MZT1: variants seen among roughly 807,000 people sequenced by gnomAD.
MZT1 encodes the protein mitotic-spindle organizing protein 1.
Under a neutral mutation model 8.5 loss-of-function variants are expected in MZT1, and 8 were observed. The ratio of observed to expected loss-of-function variants is 0.94; its 90% CI spans 0.55 to 1.70. MZT1 has a LOEUF of 1.70. Among genes scored for constraint, MZT1 ranks in the 40% most tolerant of loss-of-function variants. MZT1 has a pLI of 0.00. For synonymous variants in MZT1, 38 were observed against 42.0 expected (o/e 0.90, Z 0.37); for missense variants, 93 against 108.6 (o/e 0.86, Z 0.64).
At chr13:72,727,240 G>C (rs1169147393) in intron 1 of MZT1, among the ~76,000 whole-genome samples, 1 of 152,222 alleles carries the variant, frequency 6.6e-6, no homozygotes, top group Non-Finnish European at 1.5e-5. Flanking sequence ...GACCTGGGAT[G>C]CGGGATAGAG....
At chr13:72,727,284 CG>C (rs2032681480) in intron 1 of MZT1, among the ~76,000 whole-genome samples, 1 of 152,170 alleles carries the variant, frequency 6.6e-6, no homozygotes, top group African/African-American at 2.4e-5. Context: ...GGACGCGGTG[CG>C]CAACCGGCTG....
intron 1 of MZT1, among the ~76,000 whole-genome samples, chr13:72,726,290 G>A (rs1256166739): frequency 6.6e-6 from 1 of 152,082 alleles, no homozygotes; most frequent in Non-Finnish European, 1.5e-5. Flanking sequence ...AATTAGCCGG[G>A]TGTTCTGGCG....
chr13:72,726,242 C>T (rs2032654776), intron 1 of MZT1, among the ~76,000 whole-genome samples: 1 of 152,086 alleles, frequency 6.6e-6, no homozygotes, highest in Non-Finnish European at 1.5e-5. Context: ...CCAACCTGGC[C>T]AACATGGGGA....
At chr13:72,716,874 G>A (rs9318116) in intron 2 of MZT1, among the ~76,000 whole-genome samples, 134,217 of 152,142 alleles carry the variant, frequency 0.88, 61,244 homozygotes, top group Non-Finnish European at 0.99. Context: ...TCTCTGAGGC[G>A]CTCTTGGAGT....
In MZT1 at chr13:72,727,546, A is replaced by T; in HGVS notation, c.57T>A (p.Asn19Lys). 6.2e-7 allele frequency: 1 copy of T among 1,612,804 alleles called. No homozygotes were observed. Among genetic ancestry groups the T allele is most frequent in the Middle Eastern group, 1.7e-4 (1 of 6,054 alleles). The change falls in exon 1 of 3, where the codon AAT becomes AAA. Residue 19 changes from asparagine (N) to lysine (K), a missense_variant. Asn to Lys is a moderately conservative substitution (Grantham distance 94). Coordinates refer to ENST00000377818, the MANE Select transcript of MZT1 (RefSeq NM_001071775.3). The part of the protein sequence containing the change: ...AAAAAAAANL[N>K]AVRETMDVLL... ...CACCGTCCATGGTCTCCCGCACCGC[A>T]TTCAGATTCGCCGCCGCGGCCGCCG... is the stretch of plus-strand genomic sequence containing the variant.
intron 1 of MZT1, among the ~76,000 whole-genome samples, chr13:72,720,828 C>T (rs753530808): frequency 3.9e-5 from 6 of 152,042 alleles, no homozygotes; most frequent in Non-Finnish European, 7.4e-5. Flanking sequence ...GTAAAGGTTG[C>T]GGTGAGCCGA....
At chr13:72,720,028 G>A (rs1023844559) in intron 1 of MZT1, among the ~76,000 whole-genome samples, 2 of 152,108 alleles carry the variant, frequency 1.3e-5, no homozygotes, top group Non-Finnish European at 2.9e-5. Flanking sequence ...TATTCCCCAT[G>A]AAAAGATTAT....
At chr13:72,725,906 C>CAT (rs1003420575) in intron 1 of MZT1, among the ~76,000 whole-genome samples, 3 of 151,990 alleles carry the variant, frequency 2.0e-5, no homozygotes, top group African/African-American at 4.8e-5. Context: ...TATACACACA[C>CAT]ATATATATAT....
In MZT1 at chr13:72,709,999, T is replaced by C. The variant is rs184381537; in HGVS notation, c.*323A>G. ...CTATACTTCAACCTGGCACAGCAGA[T>C]GTGCACATCTGATAGACAGACTGCT... On this transcript the variant is annotated 3_prime_UTR_variant, in exon 3 of 3. Transcript: ENST00000377818. The C allele has an allele frequency of 1.7e-5, 5 of 294,318 alleles. No individual in the cohort carries two copies. The highest frequency in any genetic ancestry group is 4.9e-5 in the Admixed American group (1 of 20,322). The allele number at this position is 294,318 out of a possible 1,614,324, so 18.2% of individuals were successfully genotyped here.
At chr13:72,711,050 T>A (rs2032484359) in intron 2 of MZT1, among the ~76,000 whole-genome samples, 1 of 152,196 alleles carries the variant, frequency 6.6e-6, no homozygotes, top group Non-Finnish European at 1.5e-5. Context: ...ATCGCAGATT[T>A]ACACTAAAGT....
Position 72,709,332 on chromosome 13 carries a change from T to C in MZT1, c.*990A>G, listed in dbSNP as rs2032464565. ...ACATCACCCATCTAATAAGATTGTT[T>C]AGTTTTGTTTAATGACTGGAAATCC... On this transcript the variant is annotated 3_prime_UTR_variant, in exon 3 of 3. Coordinates refer to ENST00000377818, the MANE Select transcript of MZT1 (RefSeq NM_001071775.3). 6.6e-6 allele frequency: 1 copy of C among 151,932 alleles called. No individual in the cohort carries two copies. Among genetic ancestry groups the C allele is most frequent in the African/African-American group, 2.4e-5 (1 of 41,416 alleles). 9.4% of individuals were successfully genotyped at this position (151,932 alleles called of 1,614,324 possible).
At chr13:72,711,283 A>G (rs2032486698) in intron 2 of MZT1, among the ~76,000 whole-genome samples, 1 of 152,204 alleles carries the variant, frequency 6.6e-6, no homozygotes, top group South Asian at 2.1e-4. Context: ...AAGAATCACT[A>G]ATCAAATGCA....
intron 2 of MZT1, among the ~76,000 whole-genome samples, chr13:72,717,303 A>G (rs1001930377): frequency 6.6e-6 from 1 of 151,766 alleles, no homozygotes; most frequent in African/African-American, 2.4e-5. Flanking sequence ...TCCTTCCAAC[A>G]ATAGAACACA....
chr13:72,711,612 T>G (rs1404864357), intron 2 of MZT1, among the ~76,000 whole-genome samples: 3 of 152,000 alleles, frequency 2.0e-5, no homozygotes, highest in Non-Finnish European at 4.4e-5. Context: ...TACCATACAG[T>G]TAAATTCTAA....
At chr13:72,718,870 G>T in intron 2 of MZT1, 82 bp downstream of exon 2, 1 of 1,328,248 alleles carries the variant, frequency 7.5e-7, no homozygotes, top group Non-Finnish European at 1.0e-6. Flanking sequence ...GTTTAACCAG[G>T]ATGTTTCCCA....
intron 2 of MZT1, 91 bp from the exon 3 acceptor site, chr13:72,710,436 A>T (rs2032477632): frequency 5.2e-6 from 6 of 1,155,468 alleles, no homozygotes; most frequent in Admixed American, 1.8e-5. Flanking sequence ...TGTCATTAAC[A>T]AACAACTATT....
chr13:72,715,648 G>A (rs555397823), intron 2 of MZT1, among the ~76,000 whole-genome samples: 2 of 152,238 alleles, frequency 1.3e-5, no homozygotes, highest in South Asian at 2.1e-4. Flanking sequence ...CCTCATGAAT[G>A]GTTTAGCACC....
At chr13:72,716,604 G>GT (rs1185778883) in intron 2 of MZT1, among the ~76,000 whole-genome samples, 2 of 152,100 alleles carry the variant, frequency 1.3e-5, no homozygotes, top group Admixed American at 6.5e-5. Flanking sequence ...TTGTTTGTTT[G>GT]TTTTTCCCCC....
rs532415246 is a variant in MZT1 at position 72,717,370 on chromosome 13, G to A, written c.225+1582C>T. ...TTTTTTTTTTTTTAGATGGAGTTTC[G>A]CTCCTGTTGCCCAGGCTGGAGTGCA... On this transcript the variant is annotated intron_variant, in intron 2 of 2. Coordinates refer to ENST00000377818, the MANE Select transcript of MZT1 (RefSeq NM_001071775.3). Among the ~76,000 whole-genome samples, 7 of 135,522 alleles carry A rather than the reference G, an allele frequency of 5.2e-5. No individual in the cohort carries two copies. In the East Asian group the frequency reaches 6.3e-4, roughly 12 times the overall value. 88.9% of individuals were successfully genotyped at this position (135,522 alleles called of 152,430 possible). A position where few individuals can be genotyped will look rare whatever the true frequency, so the allele number is the denominator to read the frequency against.
Sources: allele counts gnomAD v4.1 joint callset (sites outside exome capture counted in the v4.1 genomes callset), GRCh38; gene constraint gnomAD v4.1.1; transcripts MANE v1.5; gene names NCBI Gene and HGNC (gene_info 2026-07-23, HGNC 2026-07-21).